Variants in SEMA3E observed in about 807,000 individuals in gnomAD.
SEMA3E encodes the protein semaphorin 3E.
In SEMA3E, 49 loss-of-function variants were observed where a neutral mutation model predicts 93.6. The observed-to-expected ratio is 0.52, with a 90% CI of 0.42 to 0.66. The LOEUF is 0.66. SEMA3E is among the 30% of genes least tolerant of loss of function. SEMA3E has a pLI of 0.00. For missense variants in SEMA3E, 906 were observed against 964.8 expected, an observed-to-expected ratio of 0.94 and a Z score of 0.81; for synonymous variants, 363 against 330.7, an observed-to-expected ratio of 1.10 and a Z score of -1.06.
At chr7:83,396,192 CT>C (rs202151687) in intron 12 of SEMA3E, among the ~76,000 whole-genome samples, 1 of 151,768 alleles carries the variant, frequency 6.6e-6, no homozygotes, top group African/African-American at 2.4e-5. Context: ...TTTTTCATGT[CT>C]TTTTTATTAT....
rs117711341 is a variant in SEMA3E at position 83,483,490 on chromosome 7, A to G, written c.276+6624T>C. 3.1e-3 allele frequency among the ~76,000 whole-genome samples: 470 copies of G among 152,248 alleles called. 2 individuals carry two copies. Among genetic ancestry groups the G allele is most frequent in the Non-Finnish European group, 5.5e-3 (373 of 68,022 alleles). On this transcript the variant is annotated intron_variant, in intron 2 of 16. Transcript: ENST00000643230. ...TTAATATTTTACTTTGTAATTCTAC[A>G]TATTTACTTTATGCATTTAAGGATC...
intron 2 of SEMA3E, among the ~76,000 whole-genome samples, chr7:83,485,707 A>G (rs1790236587): frequency 6.6e-6 from 1 of 152,150 alleles, no homozygotes; most frequent in Admixed American, 6.5e-5. Flanking sequence ...ATTTTTAAAA[A>G]TGAAAACAAG....
chr7:83,507,115 C>G (rs1215311687), intron 1 of SEMA3E, among the ~76,000 whole-genome samples: 3 of 152,204 alleles, frequency 2.0e-5, no homozygotes, highest in Non-Finnish European at 4.4e-5. Context: ...TAGACCCCAA[C>G]TTTATCAGAA....
chr7:83,469,435 G>A, intron 2 of SEMA3E, 133 bp from the exon 3 acceptor site: 1 of 618,000 alleles, frequency 1.6e-6, no homozygotes, highest in South Asian at 2.0e-5. Context: ...AAGATACAGT[G>A]GGTCTTTGTG....
chr7:83,538,769 A>T (rs1411529167), intron 1 of SEMA3E, among the ~76,000 whole-genome samples: 3 of 152,134 alleles, frequency 2.0e-5, no homozygotes, highest in South Asian at 2.1e-4. Flanking sequence ...ACTCTATTTT[A>T]GTTGTATCAG....
At chr7:83,429,334 G>T (rs369819074) in intron 4 of SEMA3E, among the ~76,000 whole-genome samples, 3 of 151,912 alleles carry the variant, frequency 2.0e-5, no homozygotes, top group South Asian at 2.1e-4. Flanking sequence ...TAATTATTAC[G>T]TCAGGATTCC....
intron 1 of SEMA3E, among the ~76,000 whole-genome samples, chr7:83,616,254 G>T (rs1793365247): frequency 6.6e-6 from 1 of 152,010 alleles, no homozygotes; most frequent in Admixed American, 6.6e-5. Flanking sequence ...AGAAATATTT[G>T]GATTATTACA....
intron 1 of SEMA3E, among the ~76,000 whole-genome samples, chr7:83,617,497 T>TACTTTTATATA (rs1793398386): frequency 1.3e-5 from 1 of 77,310 alleles, no homozygotes; most frequent in Non-Finnish European, 2.8e-5. Context: ...AAATAATATA[T>TACTTTTATATA]AATTTTATAT....
At chr7:83,620,046 A>G (rs1793518829) in intron 1 of SEMA3E, among the ~76,000 whole-genome samples, 1 of 151,966 alleles carries the variant, frequency 6.6e-6, no homozygotes, top group African/African-American at 2.4e-5. Flanking sequence ...TAAATAAATG[A>G]TCTATTCTTT....
intron 14 of SEMA3E, among the ~76,000 whole-genome samples, chr7:83,389,417 C>T (rs112384867): frequency 0.014 from 1,722 of 126,560 alleles, 66 homozygotes; most frequent in African/African-American, 0.042. Context: ...GATAAGGAAA[C>T]TACAATCAAA....
At chr7:83,445,839 AAG>A (rs781466958) in intron 4 of SEMA3E, among the ~76,000 whole-genome samples, 3 of 152,152 alleles carry the variant, frequency 2.0e-5, no homozygotes, top group Non-Finnish European at 4.4e-5. Flanking sequence ...TTAGAAGTGA[AAG>A]AGAGAGGGAA....
chr7:83,433,783 A>C (rs1788937271), intron 4 of SEMA3E, among the ~76,000 whole-genome samples: 1 of 152,114 alleles, frequency 6.6e-6, no homozygotes, highest in Admixed American at 6.5e-5. Context: ...CCGAGCAAAT[A>C]AGGTGTTGTA....
At chr7:83,514,796 A>G (rs2535372) in intron 1 of SEMA3E, among the ~76,000 whole-genome samples, 28,182 of 152,040 alleles carry the variant, frequency 0.19, 2,614 homozygotes, top group African/African-American at 0.22. Context: ...TTATAATTAA[A>G]TGGAAATATA....
chr7:83,384,751 G>A (rs1357041323), intron 16 of SEMA3E, among the ~76,000 whole-genome samples: 2 of 152,060 alleles, frequency 1.3e-5, no homozygotes, highest in Non-Finnish European at 2.9e-5. Flanking sequence ...TTTAGATGAT[G>A]AAAGAGCGGG....
chr7:83,552,655 C>G (rs1791789671), intron 1 of SEMA3E, among the ~76,000 whole-genome samples: 1 of 152,050 alleles, frequency 6.6e-6, no homozygotes, highest in African/African-American at 2.4e-5. Context: ...GGTGGGAGGT[C>G]TATAAATGGC....
chr7:83,367,650 T>A lies in SEMA3E; in HGVS notation c.2264A>T (p.Gln755Leu). 1 of 1,614,194 alleles carries A rather than the reference T, an allele frequency of 6.2e-7. No homozygotes were observed. The highest frequency in any genetic ancestry group is 8.5e-7 in the Non-Finnish European group (1 of 1,180,032). Residue 755 changes from glutamine to leucine, a missense_variant, in exon 17 of 17, where the codon CAG becomes CTG. Transcript: ENST00000643230. ...SPSKWKYANP[Q>L]EKKLRSKPEH... ...AGGTTTGGAACGGAGCTTCTTTTCC[T>A]GAGGGTTGGCATACTTCCACTTGGA...
intron 5 of SEMA3E, among the ~76,000 whole-genome samples, chr7:83,411,638 CATT>C (rs1224359558): frequency 6.6e-6 from 1 of 151,826 alleles, no homozygotes; most frequent in Admixed American, 6.6e-5. Context: ...AAATACTGGG[CATT>C]ATTAAAATTT....
chr7:83,551,903 G>C (rs528207105), intron 1 of SEMA3E, among the ~76,000 whole-genome samples: 55 of 151,986 alleles, frequency 3.6e-4, no homozygotes, highest in Non-Finnish European at 6.6e-4. Context: ...TCCAAATATA[G>C]AACATAAAAA....
chr7:83,432,594 CAT>C (rs1788911554), intron 4 of SEMA3E, among the ~76,000 whole-genome samples: 1 of 152,090 alleles, frequency 6.6e-6, no homozygotes, highest in African/African-American at 2.4e-5. Context: ...AATGAAAACA[CAT>C]ATATAGAGAT....
Sources: allele counts gnomAD v4.1 joint callset (sites outside exome capture counted in the v4.1 genomes callset), GRCh38; gene constraint gnomAD v4.1.1; transcripts MANE v1.5; gene names NCBI Gene and HGNC (gene_info 2026-07-23, HGNC 2026-07-21).